The following SH3RF2 variants were observed in gnomAD, a reference collection of about 807,000 sequenced individuals.
SH3RF2 encodes SH3 domain containing ring finger 2, also known as E3 ubiquitin-protein ligase SH3RF2.
SH3RF2 carries 43 observed loss-of-function variants against 59.0 expected under a neutral mutation model. The ratio of observed to expected loss-of-function variants is 0.73; its 90% confidence interval spans 0.57 to 0.94. SH3RF2 has a LOEUF of 0.94. SH3RF2 is among the 40% of genes least tolerant of loss of function. The pLI, the probability that SH3RF2 is intolerant of heterozygous loss-of-function variation, is 0.00. For missense variants in SH3RF2, 930 were observed against 940.1 expected (o/e 0.99, Z 0.14); for synonymous variants, 391 against 391.5 (o/e 1.00, Z 0.01).
chr5:145,967,580 G>A (rs577377740), intron 2 of SH3RF2, among the ~76,000 whole-genome samples: 4 of 152,322 alleles, frequency 2.6e-5, no homozygotes, highest in Admixed American at 2.6e-4. Flanking sequence ...TGACCACAAC[G>A]TGGGACTGTC....
chr5:146,064,788 G>GAAGGAAGGAAGGA (rs1561773719), downstream of SH3RF2, among the ~76,000 whole-genome samples: 1 of 18,530 alleles, frequency 5.4e-5, no homozygotes, highest in Non-Finnish European at 1.2e-4. Context: ...AGGAAGGAAG[G>GAAGGAAGGAAGGA]AAGGAAGGAA....
chr5:146,015,795 C>T (rs1327733649), intron 5 of SH3RF2, among the ~76,000 whole-genome samples: 2 of 152,246 alleles, frequency 1.3e-5, no homozygotes, highest in East Asian at 3.8e-4. Flanking sequence ...TATGGCACTG[C>T]ATTCACACAT....
At chr5:146,013,618 G>T in intron 4 of SH3RF2, 129 bp from the exon 5 acceptor site, 1 of 894,432 alleles carries the variant, frequency 1.1e-6, no homozygotes, top group Non-Finnish European at 1.7e-6. Context: ...TGCTCACCAA[G>T]GAATGAGCAT....
intron 2 of SH3RF2, among the ~76,000 whole-genome samples, chr5:145,980,171 T>A (rs1291733977): frequency 6.6e-6 from 1 of 152,194 alleles, no homozygotes; most frequent in Non-Finnish European, 1.5e-5. Flanking sequence ...GGGTACCTGA[T>A]GGGAGGACCA....
In SH3RF2 at chr5:146,049,090, C is replaced by A. The variant is rs1762401143; in HGVS notation, c.1167C>A (p.His389Gln). 6.2e-7 allele frequency: 1 copy of A among 1,614,148 alleles called. No individual in the cohort carries two copies. The highest frequency in any genetic ancestry group is 2.2e-5 in the East Asian group (1 of 44,872). ...GTCTTCCCAGGTTTGTAGCCCTGCA[C>A]TCCTACTCAGCCCATGGACCCGATG... is the stretch of plus-strand genomic sequence containing the variant. ...HLSANMFVAL[H>Q]SYSAHGPDEL... Residue 389 changes from histidine (H) to glutamine (Q), a missense_variant, in exon 7 of 10, where the codon CAC becomes CAA. Transcript: ENST00000359120.
chr5:145,998,583 A>G (rs1760263132), intron 2 of SH3RF2, among the ~76,000 whole-genome samples: 1 of 152,354 alleles, frequency 6.6e-6, no homozygotes. Flanking sequence ...ACCATAATAA[A>G]GCAAGTCAAA....
intron 2 of SH3RF2, among the ~76,000 whole-genome samples, chr5:145,998,491 T>G (rs1213726930): frequency 1.1e-5 from 1 of 94,218 alleles, no homozygotes; most frequent in African/African-American, 4.0e-5. Flanking sequence ...AATATCCATG[T>G]TTTATGGGAA....
intron 2 of SH3RF2, among the ~76,000 whole-genome samples, chr5:145,982,861 T>A (rs1181490159): frequency 6.6e-6 from 1 of 152,116 alleles, no homozygotes; most frequent in African/African-American, 2.4e-5. Flanking sequence ...TAAGTAGCGA[T>A]TGGGCAGGAG....
At chr5:146,069,509 G>GCTA (rs973466082) in intron 9 of SH3RF2, among the ~76,000 whole-genome samples, 16 of 151,850 alleles carry the variant, frequency 1.1e-4, no homozygotes, top group African/African-American at 3.4e-4. Context: ...TGCTGCTGCT[G>GCTA]CTATCAATCT....
chr5:146,014,461 A>G (rs1288867045), intron 5 of SH3RF2, among the ~76,000 whole-genome samples: 1 of 152,166 alleles, frequency 6.6e-6, no homozygotes, highest in African/African-American at 2.4e-5. Flanking sequence ...TCAATATCCC[A>G]TCCTCTGGCA....
Position 146,007,131 on chromosome 5 carries a change from A to C in SH3RF2, c.744+2978A>C, listed in dbSNP as rs578147803. 2.0e-5 allele frequency among the ~76,000 whole-genome samples: 3 copies of C among 152,330 alleles called. No homozygotes were observed. In the South Asian group the frequency reaches 6.2e-4, roughly 32 times the overall value. On this transcript the variant is annotated intron_variant, in intron 4 of 9. Coordinates refer to ENST00000359120, the MANE Select transcript of SH3RF2 (RefSeq NM_152550.4). The stretch of plus-strand genomic sequence containing the variant: ...ATCATAAGAAGTGTGGATTCGACCC[A>C]AAAGCCAACAGAAGCCATTGAAAGG...
chr5:146,033,451 CTTTTTTTTTTT>C (rs558717056), intron 5 of SH3RF2, among the ~76,000 whole-genome samples: 3 of 71,856 alleles, frequency 4.2e-5, no homozygotes, highest in African/African-American at 1.9e-4. Flanking sequence ...TAGCCCTTAG[CTTTTTTTTTTT>C]TTTTTTTTTT....
intron 3 of SH3RF2, among the ~76,000 whole-genome samples, chr5:146,001,980 T>G (rs1431700709): frequency 6.6e-6 from 1 of 152,204 alleles, no homozygotes; most frequent in Non-Finnish European, 1.5e-5. Flanking sequence ...CTCAGTAAAT[T>G]GTGTAATTTA....
At chr5:146,070,343 A>G (rs1053975892) in intron 9 of SH3RF2, among the ~76,000 whole-genome samples, 1 of 152,158 alleles carries the variant, frequency 6.6e-6, no homozygotes, top group Non-Finnish European at 1.5e-5. Flanking sequence ...TCACAGGGTC[A>G]AGCCCTCCCA....
chr5:145,970,330 T>C (rs760771812), intron 2 of SH3RF2, among the ~76,000 whole-genome samples: 15 of 152,128 alleles, frequency 9.9e-5, no homozygotes, highest in Non-Finnish European at 1.8e-4. Context: ...TGTCTTTGCA[T>C]CCTCATAGTT....
chr5:145,991,727 T>A (rs1458649691), intron 2 of SH3RF2, among the ~76,000 whole-genome samples: 1 of 152,190 alleles, frequency 6.6e-6, no homozygotes, highest in Non-Finnish European at 1.5e-5. Flanking sequence ...TTCAAAGCAA[T>A]TTGAGCATTT....
intron 2 of SH3RF2, among the ~76,000 whole-genome samples, chr5:145,962,758 G>A (rs968197406): frequency 1.3e-5 from 2 of 152,022 alleles, no homozygotes; most frequent in Admixed American, 1.3e-4. Flanking sequence ...GGAGCTGTCT[G>A]AGTCAAGACA....
intron 7 of SH3RF2, 127 bp downstream of exon 7, chr5:146,049,372 T>C: frequency 9.5e-7 from 1 of 1,058,020 alleles, no homozygotes; most frequent in South Asian, 1.6e-5. Context: ...CTTTTTGCTC[T>C]ATAACCCGCC....
intron 2 of SH3RF2, among the ~76,000 whole-genome samples, chr5:145,943,522 T>C (rs1580749170): frequency 1.3e-5 from 2 of 152,210 alleles, no homozygotes; most frequent in East Asian, 3.8e-4. Context: ...TGCACATTTC[T>C]TTTAGCCTCT....
Sources: gnomAD v4.1 joint callset for allele counts (sites outside exome capture counted in the v4.1 genomes callset) on GRCh38, gnomAD v4.1.1 for gene constraint, MANE v1.5 for transcripts, NCBI Gene and HGNC (gene_info 2026-07-23, HGNC 2026-07-21) for gene names.